XPO7: variants seen among roughly 807,000 people sequenced by gnomAD.
XPO7 encodes exportin 7, also known as exportin-7.
Under a neutral mutation model 144.3 loss-of-function variants are expected in XPO7, and 21 were observed. That is an observed-to-expected ratio of 0.15 (90% CI 0.10 to 0.21). The LOEUF is 0.21. Among genes scored for constraint, XPO7 ranks in the 10% least tolerant of loss-of-function variants. XPO7 has a pLI of 1.00. For synonymous variants in XPO7, 580 were observed against 499.6 expected (o/e 1.16, Z -2.15); for missense variants, 808 against 1,325.8 (o/e 0.61, Z 6.06).
intron 19 of XPO7, 44 bp downstream of exon 19, chr8:21,992,018 G>C (rs988833781): frequency 7.3e-6 from 11 of 1,509,258 alleles, no homozygotes; most frequent in African/African-American, 2.7e-5. Flanking sequence ...TTCTGGTTTA[G>C]GGCAGTCTCT....
At chr8:21,966,011 T>C (rs923807474) in intron 1 of XPO7, among the ~76,000 whole-genome samples, 1 of 152,192 alleles carries the variant, frequency 6.6e-6, no homozygotes, top group African/African-American at 2.4e-5. Flanking sequence ...TGAAGTATAG[T>C]CTTAATTAGT....
intron 5 of XPO7, 56 bp downstream of exon 5, chr8:21,971,997 G>T (rs771936633): frequency 1.3e-6 from 2 of 1,541,230 alleles, no homozygotes; most frequent in Non-Finnish European, 1.8e-6. Flanking sequence ...CTTAGTATTG[G>T]TGTTTTCTGC....
At chr8:21,941,370 T>C (rs1370355296) in intron 1 of XPO7, among the ~76,000 whole-genome samples, 1 of 152,078 alleles carries the variant, frequency 6.6e-6, no homozygotes, top group Non-Finnish European at 1.5e-5. Context: ...CAGGCTGGTC[T>C]CAAACTCCTG....
At chr8:21,959,623 T>G (rs1811655980) in intron 1 of XPO7, among the ~76,000 whole-genome samples, 1 of 152,138 alleles carries the variant, frequency 6.6e-6, no homozygotes, top group African/African-American at 2.4e-5. Flanking sequence ...ATTTATTTTT[T>G]TAAAATACCA....
intron 1 of XPO7, among the ~76,000 whole-genome samples, chr8:21,928,017 A>G (rs1473652600): frequency 6.6e-6 from 1 of 152,244 alleles, no homozygotes; most frequent in Non-Finnish European, 1.5e-5. Context: ...ATCCATTTAA[A>G]GTGTACAAAT....
chr8:21,982,349 A>G (rs1812434562), intron 10 of XPO7, among the ~76,000 whole-genome samples: 1 of 152,154 alleles, frequency 6.6e-6, no homozygotes, highest in Non-Finnish European at 1.5e-5. Flanking sequence ...GTTTCTAACA[A>G]GTTCTTCAGG....
At chr8:21,971,635 A>AT (rs950552677) in intron 4 of XPO7, among the ~76,000 whole-genome samples, 7 of 151,918 alleles carry the variant, frequency 4.6e-5, no homozygotes, top group African/African-American at 1.7e-4. Context: ...GCTTATGGGA[A>AT]TTTTTTTTAA....
chr8:21,951,488 A>G (rs1386636869), intron 1 of XPO7, among the ~76,000 whole-genome samples: 2 of 152,146 alleles, frequency 1.3e-5, no homozygotes, highest in African/African-American at 2.4e-5. Flanking sequence ...TTGTTGTTGT[A>G]TGGATCCTGT....
rs1812735957 is a variant in XPO7 at position 21,990,503 on chromosome 8, T to C, written c.1932+96T>C. On this transcript the variant is annotated intron_variant, in intron 17 of 27. Coordinates refer to ENST00000252512, the MANE Select transcript of XPO7 (RefSeq NM_015024.5). ...GATATGTAAACTGAGGTCCCGGGTATTGCTACAGCAAAGACGGTGGTCCTG... is the reference window on the plus strand; with the variant it reads ...GATATGTAAACTGAGGTCCCGGGTACTGCTACAGCAAAGACGGTGGTCCTG... 1.6e-5 allele frequency: 22 copies of C among 1,377,378 alleles called. No homozygotes were observed. In the Middle Eastern group the frequency reaches 1.2e-3, roughly 78 times the overall value. The allele number at this position is 1,377,378 out of a possible 1,614,324, so 85.3% of individuals were successfully genotyped here. A position where few individuals can be genotyped will look rare whatever the true frequency, so the allele number is the denominator to read the frequency against.
At chr8:21,982,565 C>G in intron 10 of XPO7, 75 bp from the exon 11 acceptor site, 1 of 1,470,032 alleles carries the variant, frequency 6.8e-7, no homozygotes, top group Admixed American at 2.5e-5. Context: ...AAGTCTTTAT[C>G]TTCTGTGTCA....
At position 21,991,848 on chromosome 8, in the gene XPO7, C is replaced by T. The variant is rs1812782719; in HGVS notation, c.2042-20C>T. On this transcript the variant is annotated intron_variant, in intron 18 of 27. Transcript: ENST00000252512. ...GAATTCTTGGTATTGGGGTTACACC[C>T]TGGGATGTTTCCTTTACAGGAGAGG... 1 of 1,596,886 alleles carries T rather than the reference C, an allele frequency of 6.3e-7. No individual in the cohort carries two copies. Among genetic ancestry groups the T allele is most frequent in the Non-Finnish European group, 8.5e-7 (1 of 1,169,706 alleles).
chr8:21,961,423 T>C (rs567278424), intron 1 of XPO7, among the ~76,000 whole-genome samples: 1 of 152,088 alleles, frequency 6.6e-6, no homozygotes, highest in Admixed American at 6.6e-5. Context: ...CCTATATTGC[T>C]CAGGCTGGTT....
At chr8:21,943,545 T>G (rs1017953254) in intron 1 of XPO7, among the ~76,000 whole-genome samples, 6 of 152,194 alleles carry the variant, frequency 3.9e-5, no homozygotes, top group African/African-American at 1.4e-4. Context: ...AAAACCAGAT[T>G]TTGATAGTAT....
chr8:21,939,568 A>G (rs1162901570), intron 1 of XPO7, among the ~76,000 whole-genome samples: 1 of 152,230 alleles, frequency 6.6e-6, no homozygotes, highest in African/African-American at 2.4e-5. Context: ...TCCAACAACC[A>G]AGTAATGACT....
intron 1 of XPO7, among the ~76,000 whole-genome samples, chr8:21,957,088 T>C (rs1428615764): frequency 6.6e-6 from 1 of 152,114 alleles, no homozygotes; most frequent in East Asian, 1.9e-4. Context: ...CTTTTTGCTT[T>C]GTAGCTAATG....
At chr8:21,939,848 T>G (rs1810936843) in intron 1 of XPO7, among the ~76,000 whole-genome samples, 1 of 152,362 alleles carries the variant, frequency 6.6e-6, no homozygotes, top group African/African-American at 2.4e-5. Flanking sequence ...CATTGAAGAA[T>G]ATTTTCAAAT....
At chr8:21,994,586 G>C in intron 20 of XPO7, 135 bp downstream of exon 20, 1 of 753,606 alleles carries the variant, frequency 1.3e-6, no homozygotes, top group South Asian at 1.6e-5. Context: ...CAGAAGGCCT[G>C]CATGTGTCCT....
chr8:21,943,383 G>A (rs948857972), intron 1 of XPO7, among the ~76,000 whole-genome samples: 6 of 152,158 alleles, frequency 3.9e-5, no homozygotes, highest in African/African-American at 1.4e-4. Flanking sequence ...AGGATGCTAT[G>A]GTGATTGACA....
chr8:21,930,612 G>T (rs1185297070), intron 1 of XPO7, among the ~76,000 whole-genome samples: 1 of 152,178 alleles, frequency 6.6e-6, no homozygotes, highest in Non-Finnish European at 1.5e-5. Context: ...TTCCAGGAAA[G>T]CAAATATGGC....
Sources: gnomAD v4.1 joint callset for allele counts (sites outside exome capture counted in the v4.1 genomes callset) on GRCh38, gnomAD v4.1.1 for gene constraint, MANE v1.5 for transcripts, NCBI Gene and HGNC (gene_info 2026-07-23, HGNC 2026-07-21) for gene names.